The following NOS1AP variants were observed in gnomAD, a reference collection of about 807,000 sequenced individuals.
The protein encoded by NOS1AP is carboxyl-terminal PDZ ligand of neuronal nitric oxide synthase protein.
In NOS1AP, 21 loss-of-function variants were observed where a neutral mutation model predicts 56.2. The observed-to-expected ratio is 0.37, with a 90% CI of 0.26 to 0.54. NOS1AP has a LOEUF of 0.54. NOS1AP is among the 20% of genes least tolerant of loss of function. The pLI is 0.84. For missense variants in NOS1AP, 522 were observed against 657.8 expected, an observed-to-expected ratio of 0.79 and a Z score of 2.26; for synonymous variants, 270 against 274.6, an observed-to-expected ratio of 0.98 and a Z score of 0.17.
intron 2 of NOS1AP, among the ~76,000 whole-genome samples, chr1:162,246,870 A>C (rs896021510): frequency 3.9e-5 from 6 of 152,172 alleles, no homozygotes; most frequent in African/African-American, 1.4e-4. Flanking sequence ...TCAAGGAAGC[A>C]GAGAAGTTGT....
intron 2 of NOS1AP, among the ~76,000 whole-genome samples, chr1:162,175,617 T>TG (rs1381040224): frequency 2.0e-5 from 3 of 151,930 alleles, no homozygotes; most frequent in African/African-American, 7.3e-5. Context: ...ATCGGAGGTG[T>TG]GGGGGTGGGG....
At chr1:162,235,765 T>G (rs944669433) in intron 2 of NOS1AP, among the ~76,000 whole-genome samples, 1 of 152,228 alleles carries the variant, frequency 6.6e-6, no homozygotes, top group East Asian at 1.9e-4. Context: ...TTGGTCCACA[T>G]GGGGCCAGTG....
intron 1 of NOS1AP, among the ~76,000 whole-genome samples, chr1:162,132,425 G>A (rs1196769443): frequency 6.6e-6 from 1 of 152,184 alleles, no homozygotes; most frequent in African/African-American, 2.4e-5. Flanking sequence ...TACCCACCTC[G>A]ATAAGATCCT....
In NOS1AP at chr1:162,221,033, TC is replaced by T. The variant is rs373663714; in HGVS notation, c.178-66310del. ...CTTGGCTCACTGCAACCTCCACCTCTCGGGTTCAAGTGATTCTCCTGCCTCA... is the reference window on the plus strand; with the variant it reads ...CTTGGCTCACTGCAACCTCCACCTCTGGGTTCAAGTGATTCTCCTGCCTCA... On this transcript the variant is annotated intron_variant, in intron 2 of 9. Transcript: ENST00000361897. Among the ~76,000 whole-genome samples, 550 of 152,246 alleles carry T rather than the reference TC, an allele frequency of 3.6e-3. 1 individual carries two copies. Among genetic ancestry groups the T allele is most frequent in the African/African-American group, 0.013 (525 of 41,548 alleles).
intron 2 of NOS1AP, among the ~76,000 whole-genome samples, chr1:162,158,286 A>T (rs1047663873): frequency 2.0e-5 from 3 of 152,210 alleles, no homozygotes; most frequent in Non-Finnish European, 2.9e-5. Context: ...GCATAATGTC[A>T]TCAAGGTTCA....
chr1:162,160,548 C>G (rs1650158613), intron 2 of NOS1AP, among the ~76,000 whole-genome samples: 1 of 152,180 alleles, frequency 6.6e-6, no homozygotes, highest in South Asian at 2.1e-4. Flanking sequence ...TACCCACCAG[C>G]AGTACGCTTC....
chr1:162,238,512 T>G (rs1464579338), intron 2 of NOS1AP, among the ~76,000 whole-genome samples: 1 of 152,192 alleles, frequency 6.6e-6, no homozygotes, highest in African/African-American at 2.4e-5. Context: ...GCCACCATAA[T>G]TTTTTTCCCT....
intron 2 of NOS1AP, among the ~76,000 whole-genome samples, chr1:162,286,438 TA>T (rs1269349959): frequency 6.6e-6 from 1 of 152,172 alleles, no homozygotes; most frequent in African/African-American, 2.4e-5. Flanking sequence ...GCGGTGATAG[TA>T]AGATGGGAAT....
intron 2 of NOS1AP, among the ~76,000 whole-genome samples, chr1:162,209,285 T>A (rs1652264509): frequency 6.6e-6 from 1 of 152,158 alleles, no homozygotes; most frequent in Non-Finnish European, 1.5e-5. Context: ...CTGTCTCACA[T>A]GTAAGGTTGT....
rs1427390347 is a variant in NOS1AP, at chr1:162,369,108, T to C, written c.*1641T>C. On this transcript the variant is annotated 3_prime_UTR_variant, in exon 10 of 10. Transcript: ENST00000361897. ...TTGTGTGTGTGTGTACACATGTGTT[T>C]ATATATACATGTGTGAGGGAAAGTG... is the stretch of plus-strand genomic sequence containing the variant. 1.3e-5 allele frequency: 2 copies of C among 152,218 alleles called. No homozygotes were observed. Among genetic ancestry groups the C allele is most frequent in the Non-Finnish European group, 2.9e-5 (2 of 68,036 alleles). The allele number at this position is 152,218 out of a possible 1,614,324, so 9.4% of individuals were successfully genotyped here.
chr1:162,137,276 G>A (rs1300953572), intron 1 of NOS1AP, among the ~76,000 whole-genome samples: 2 of 152,166 alleles, frequency 1.3e-5, no homozygotes, highest in African/African-American at 4.8e-5. Context: ...ACATTGATAA[G>A]CACATTCAAA....
At chr1:162,132,943 G>A (rs922256197) in intron 1 of NOS1AP, among the ~76,000 whole-genome samples, 1 of 152,198 alleles carries the variant, frequency 6.6e-6, no homozygotes, top group Non-Finnish European at 1.5e-5. Context: ...TTCTGTCAGA[G>A]CTATACACTT....
chr1:162,269,880 C>T (rs539266072), intron 2 of NOS1AP, among the ~76,000 whole-genome samples: 7 of 152,070 alleles, frequency 4.6e-5, no homozygotes, highest in East Asian at 1.9e-4. Flanking sequence ...ATAGGTCAAA[C>T]GGGGTGGGTC....
rs1691630150 is a variant in NOS1AP at position 162,070,158 on chromosome 1, C to G, written c.-20C>G. On this transcript the variant is annotated 5_prime_UTR_variant, in exon 1 of 10. Coordinates refer to ENST00000361897, the MANE Select transcript of NOS1AP (RefSeq NM_014697.3). ...CCTGCAGCCGCCGCCTCCGAAGGAG[C>G]GGGTCCGCCGCGGGTAACCATGCCT... 1.9e-6 allele frequency: 3 copies of G among 1,602,688 alleles called. No homozygotes were observed. Among genetic ancestry groups the G allele is most frequent in the Non-Finnish European group, 2.6e-6 (3 of 1,170,024 alleles).
chr1:162,361,047 A>T, intron 8 of NOS1AP: 2 of 395,556 alleles, frequency 5.1e-6, no homozygotes, highest in South Asian at 3.7e-5. Context: ...TTTGTGTGTC[A>T]TGATGAGGCC....
chr1:162,262,953 AC>A (rs1654286766), intron 2 of NOS1AP, among the ~76,000 whole-genome samples: 1 of 152,182 alleles, frequency 6.6e-6, no homozygotes, highest in Non-Finnish European at 1.5e-5. Flanking sequence ...CTGACTTCTA[AC>A]CCCACCTTTC....
chr1:162,323,459 C>T (rs1022862949), intron 4 of NOS1AP, among the ~76,000 whole-genome samples: 6 of 152,188 alleles, frequency 3.9e-5, no homozygotes, highest in African/African-American at 1.4e-4. Context: ...GCTGTGTGAC[C>T]TTAAGAAAAT....
At chr1:162,170,417 T>G (rs530704724) in intron 2 of NOS1AP, among the ~76,000 whole-genome samples, 1 of 151,960 alleles carries the variant, frequency 6.6e-6, no homozygotes, top group Non-Finnish European at 1.5e-5. Context: ...GAGCTGGGGG[T>G]CCACCTGGGC....
chr1:162,131,680 C>T (rs1427054487), intron 1 of NOS1AP, among the ~76,000 whole-genome samples: 1 of 151,950 alleles, frequency 6.6e-6, no homozygotes, highest in Non-Finnish European at 1.5e-5. Context: ...GCTGAAACAG[C>T]CCGTTTTATG....
Sources: gnomAD v4.1 joint callset for allele counts (sites outside exome capture counted in the v4.1 genomes callset) on GRCh38, gnomAD v4.1.1 for gene constraint, MANE v1.5 for transcripts, NCBI Gene and HGNC (gene_info 2026-07-23, HGNC 2026-07-21) for gene names.